Variants in PAK3 observed in about 807,000 individuals in gnomAD.
The protein encoded by PAK3 is p21 (RAC1) activated kinase 3, also known as serine/threonine-protein kinase PAK 3.
PAK3 carries 4 observed loss-of-function variants against 41.0 expected under a neutral mutation model. The observed-to-expected ratio is 0.10, with a 90% CI of 0.05 to 0.22. PAK3 has a LOEUF of 0.22. PAK3 is among the 10% of genes least tolerant of loss of function. PAK3 has a pLI of 1.00. For synonymous variants in PAK3, 146 were observed against 139.6 expected, an observed-to-expected ratio of 1.05 and a Z score of -0.32; for missense variants, 205 against 409.9, an observed-to-expected ratio of 0.50 and a Z score of 4.32.
At chrX:111,196,733 C>A (rs909568543) in intron 16 of PAK3, 93 bp downstream of exon 16, 6 of 607,257 alleles carry the variant, frequency 9.9e-6, no homozygotes, top group African/African-American at 2.2e-5. Flanking sequence ...CCAGAATGGG[C>A]TCTTTTCTGA....
At chrX:110,957,977 T>G (rs1347925115) in intron 1 of PAK3, among the ~76,000 whole-genome samples, 1 of 111,894 alleles carries the variant, frequency 8.9e-6, no homozygotes, top group East Asian at 2.8e-4. Context: ...ATAGTAGTGC[T>G]GTGAAGGAAA....
chrX:111,025,207 C>A (rs767824045), intron 1 of PAK3, among the ~76,000 whole-genome samples: 5 of 110,268 alleles, frequency 4.5e-5, no homozygotes, highest in African/African-American at 6.5e-5. Context: ...TCTGAAAGAG[C>A]ACAAATCTAA....
intron 1 of PAK3, among the ~76,000 whole-genome samples, chrX:111,011,002 C>G (rs1047425389): frequency 3.6e-5 from 4 of 111,929 alleles, no homozygotes; most frequent in African/African-American, 1.3e-4. Flanking sequence ...AAATCACAGC[C>G]TACCTATCAC....
intron 1 of PAK3, among the ~76,000 whole-genome samples, chrX:111,045,395 A>C (rs758209400): frequency 8.9e-6 from 1 of 111,931 alleles, no homozygotes; most frequent in South Asian, 3.8e-4. Flanking sequence ...TGAGCACAGC[A>C]TTTCTATTGA....
intron 1 of PAK3, among the ~76,000 whole-genome samples, chrX:110,954,311 T>C (rs2090807508): frequency 1.8e-5 from 2 of 112,519 alleles, no homozygotes; most frequent in African/African-American, 6.5e-5. Flanking sequence ...CTGTTTGTTG[T>C]GTGTCAGGTA....
At chrX:111,218,049 A>G (rs2094897337) in intron 17 of PAK3, among the ~76,000 whole-genome samples, 1 of 112,338 alleles carries the variant, frequency 8.9e-6, no homozygotes, top group Admixed American at 9.4e-5. Context: ...TTCATTTTAT[A>G]TATGTAAGCA....
intron 16 of PAK3, among the ~76,000 whole-genome samples, chrX:111,202,329 T>G (rs2094693226): frequency 1.8e-5 from 2 of 111,539 alleles, no homozygotes; most frequent in African/African-American, 6.5e-5. Context: ...TTAATTGTAC[T>G]GATGTTATGA....
chrX:111,056,907 CT>C (rs200062533), intron 1 of PAK3, among the ~76,000 whole-genome samples: 1 of 111,589 alleles, frequency 9.0e-6, no homozygotes, highest in African/African-American at 3.3e-5. Context: ...AATGTCCCCC[CT>C]TTTTTTACTT....
chrX:111,079,627 C>T (rs1483669533), intron 1 of PAK3, among the ~76,000 whole-genome samples: 1 of 111,991 alleles, frequency 8.9e-6, no homozygotes, highest in African/African-American at 3.2e-5. Context: ...CTTCTGCAGC[C>T]CATGGATCAA....
intron 11 of PAK3, among the ~76,000 whole-genome samples, chrX:111,179,289 C>G (rs1251080729): frequency 9.1e-6 from 1 of 109,938 alleles, no homozygotes; most frequent in Admixed American, 9.8e-5. Context: ...ACATATAATT[C>G]TGTTCGTGGA....
Position 111,220,565 on chromosome X carries a change from T to G in PAK3, c.*118T>G. The G allele has an allele frequency of 1.9e-6, 1 of 530,426 alleles. No individual in the cohort carries two copies. Among genetic ancestry groups the G allele is most frequent in the Non-Finnish European group, 3.4e-6 (1 of 295,696 alleles). The allele number at this position is 530,426 out of a possible 1,213,427, so 43.7% of individuals were successfully genotyped here. A position where few individuals can be genotyped will look rare whatever the true frequency, so the allele number is the denominator to read the frequency against. Reference sequence around the variant, plus strand: ...GGGTGGGGGTTCTTTACCTTTCAAATGAATAGAAACTTCTTATAAGCCTTT... The same window carrying G: ...GGGTGGGGGTTCTTTACCTTTCAAAGGAATAGAAACTTCTTATAAGCCTTT... On this transcript the variant is annotated 3_prime_UTR_variant, in exon 18 of 18. Transcript: ENST00000372007.
chrX:111,131,472 T>C (rs968881852), intron 5 of PAK3, among the ~76,000 whole-genome samples: 13 of 111,611 alleles, frequency 1.2e-4, no homozygotes, highest in Non-Finnish European at 2.3e-4. Flanking sequence ...TTGCTTTAAA[T>C]ACTTACTGCC....
intron 1 of PAK3, among the ~76,000 whole-genome samples, chrX:111,084,908 T>C (rs1431290735): frequency 8.9e-6 from 1 of 111,979 alleles, no homozygotes; most frequent in South Asian, 3.7e-4. Flanking sequence ...TACCCCTTTT[T>C]ATAGGAGCTT....
At chrX:111,161,328 G>A (rs1172534342) in intron 8 of PAK3, among the ~76,000 whole-genome samples, 3 of 111,058 alleles carry the variant, frequency 2.7e-5, no homozygotes, top group Non-Finnish European at 5.7e-5. Flanking sequence ...TTTTTTTCTT[G>A]TAAATTTGTT....
chrX:111,100,503 A>T (rs2093108544), intron 3 of PAK3, among the ~76,000 whole-genome samples: 1 of 111,155 alleles, frequency 9.0e-6, no homozygotes. Context: ...CTGACAGAGA[A>T]ACTCAGCCAG....
rs1488998584 is a variant in PAK3 at position 111,036,501 on chromosome X, GAACCCCCTTATAA to G, written c.-27-86571_-27-86559del. On this transcript the variant is annotated intron_variant, in intron 1 of 14. Transcript: ENST00000425146. ...AGAGAATAAGAGTTGGACGAAGGGG[GAACCCCCTTATAA>G]AACCATCAGATCTTGTGAGAACTCA... Among the ~76,000 whole-genome samples, 4 of 112,076 alleles carry G rather than the reference GAACCCCCTTATAA, an allele frequency of 3.6e-5. No individual in the cohort carries two copies. The Admixed American group carries it at 3.7e-4, about 10-fold the overall frequency.
At chrX:111,018,527 T>A (rs922661739) in intron 1 of PAK3, among the ~76,000 whole-genome samples, 1 of 111,286 alleles carries the variant, frequency 9.0e-6, no homozygotes, top group African/African-American at 3.3e-5. Context: ...AGGAATAAAC[T>A]TAACCAAGGA....
Position 111,221,864 on chromosome X carries a change from C to T in PAK3, c.*1417C>T, listed in dbSNP as rs935130405. 4.5e-5 allele frequency: 5 copies of T among 111,938 alleles called. No homozygotes were observed. Among genetic ancestry groups the T allele is most frequent in the Non-Finnish European group, 9.4e-5 (5 of 53,148 alleles). The allele number at this position is 111,938 out of a possible 1,213,427, so 9.2% of individuals were successfully genotyped here. On this transcript the variant is annotated 3_prime_UTR_variant, in exon 18 of 18. Coordinates refer to ENST00000372007, the MANE Select transcript of PAK3 (RefSeq NM_002578.5). ...TCCAGTGGAAAATAATTTTAACTTACAATCATATCCCAAGAAATGTCAGTC... is the reference window on the plus strand; with the variant it reads ...TCCAGTGGAAAATAATTTTAACTTATAATCATATCCCAAGAAATGTCAGTC...
At chrX:111,203,522 G>A (rs1018975672) in intron 16 of PAK3, among the ~76,000 whole-genome samples, 4 of 111,465 alleles carry the variant, frequency 3.6e-5, no homozygotes, top group Non-Finnish European at 5.7e-5. Flanking sequence ...TATATGGCAA[G>A]GGGGAAAGGA....
Sources: allele counts gnomAD v4.1 joint callset (sites outside exome capture counted in the v4.1 genomes callset), GRCh38; gene constraint gnomAD v4.1.1; transcripts MANE v1.5; gene names NCBI Gene and HGNC (gene_info 2026-07-23, HGNC 2026-07-21).